PIK3R3: variants seen among roughly 807,000 people sequenced by gnomAD.
PIK3R3 encodes phosphatidylinositol 3-kinase regulatory subunit gamma.
PIK3R3 carries 64 observed loss-of-function variants against 62.9 expected under a neutral mutation model. That is an observed-to-expected ratio of 1.02 (90% CI 0.83 to 1.25). PIK3R3 has a LOEUF of 1.25. PIK3R3 is among the 50% of genes most tolerant of loss of function. The probability of loss-of-function intolerance (pLI) is 0.00; values close to 1 mark genes in which losing one functional copy is unlikely to be tolerated. For missense variants in PIK3R3, 614 were observed against 561.6 expected, an observed-to-expected ratio of 1.09 and a Z score of -0.94; for synonymous variants, 165 against 189.0, an observed-to-expected ratio of 0.87 and a Z score of 1.04.
the PIK3R3 span, chr1:46,138,803 T>C: frequency 1.3e-5 from 2 of 152,232 alleles, no homozygotes; most frequent in Non-Finnish European, 2.9e-5. Flanking sequence ...TGAACATGAT[T>C]GTTTGTGTCC....
At chr1:46,131,683 T>G (rs765702215) in intron 1 of PIK3R3, 164 bp downstream of exon 1, 1 of 537,218 alleles carries the variant, frequency 1.9e-6, no homozygotes, top group Non-Finnish European at 3.5e-6. Context: ...CTGCAAACTT[T>G]AAACGTGTAA....
At position 46,132,178 on chromosome 1, in the gene PIK3R3, T is replaced by A; in HGVS notation, c.-226A>T. The A allele has an allele frequency of 7.6e-7, 1 of 1,312,688 alleles. No individual in the cohort carries two copies. Among genetic ancestry groups the A allele is most frequent in the Non-Finnish European group, 9.7e-7 (1 of 1,026,550 alleles). 81.3% of individuals were successfully genotyped at this position (1,312,688 alleles called of 1,614,324 possible). On this transcript the variant is annotated 5_prime_UTR_variant, in exon 1 of 10. Transcript: ENST00000262741. ...CGAACTTTCAAGCTATGGGCTTTTC[T>A]CCTCAGAGGATTACACAGAGGCTTG...
Position 46,130,232 on chromosome 1 carries a change from A to G in PIK3R3, c.106+1615T>C, listed in dbSNP as rs568281567. ...AATTCTAAGGCAGTTTGAATATATA[A>G]TTCTTATAACAGGAATCTAGAATTA... On this transcript the variant is annotated intron_variant, in intron 1 of 9. Transcript: ENST00000262741. 2.0e-5 allele frequency among the ~76,000 whole-genome samples: 3 copies of G among 152,318 alleles called. No individual in the cohort carries two copies. In the South Asian group the frequency reaches 6.2e-4, roughly 32 times the overall value.
chr1:46,167,780 C>G, the PIK3R3 span, among the ~76,000 whole-genome samples: 1 of 152,344 alleles, frequency 6.6e-6, no homozygotes, highest in Non-Finnish European at 1.5e-5. Flanking sequence ...CTCTGGGCTT[C>G]CACTCACGCT....
At chr1:46,107,244 G>A (rs950025450) in intron 1 of PIK3R3, among the ~76,000 whole-genome samples, 7 of 152,126 alleles carry the variant, frequency 4.6e-5, no homozygotes, top group African/African-American at 1.2e-4. Context: ...CAGCTACTCC[G>A]GAGGCTGAGG....
the PIK3R3 span, among the ~76,000 whole-genome samples, chr1:46,149,791 A>G: frequency 6.6e-5 from 10 of 152,180 alleles, no homozygotes; most frequent in African/African-American, 2.4e-4. Flanking sequence ...TCAGCCTCCC[A>G]AAATGCTGGG....
chr1:46,048,888 G>A (rs1234385960), intron 7 of PIK3R3, among the ~76,000 whole-genome samples: 3 of 152,100 alleles, frequency 2.0e-5, no homozygotes, highest in Non-Finnish European at 4.4e-5. Context: ...GAGTTGATTA[G>A]ATTTTAAAAA....
chr1:46,161,886 A>C, the PIK3R3 span, among the ~76,000 whole-genome samples: 7 of 150,984 alleles, frequency 4.6e-5, no homozygotes, highest in Admixed American at 1.3e-4. Context: ...AGGTCAGGAG[A>C]TCGAGACCAT....
the PIK3R3 span, among the ~76,000 whole-genome samples, chr1:46,170,681 A>T: frequency 1.3e-5 from 2 of 152,166 alleles, no homozygotes; most frequent in Non-Finnish European, 2.9e-5. Flanking sequence ...TCAGCCTCCC[A>T]AAGTGCTGGG....
chr1:46,065,039 C>G (rs1648867549), intron 5 of PIK3R3, among the ~76,000 whole-genome samples: 1 of 152,184 alleles, frequency 6.6e-6, no homozygotes, highest in Admixed American at 6.5e-5. Context: ...GTCGAATCAA[C>G]ATAGACTAAT....
intron 7 of PIK3R3, among the ~76,000 whole-genome samples, chr1:46,052,396 A>G (rs952742877): frequency 6.6e-6 from 1 of 152,176 alleles, no homozygotes; most frequent in Non-Finnish European, 1.5e-5. Flanking sequence ...TCATGAGGAA[A>G]AAGAATTGCA....
rs763981003 is a variant in PIK3R3 at position 46,040,393 on chromosome 1, C to A, written c.*3280G>T. On this transcript the variant is annotated 3_prime_UTR_variant, in exon 10 of 10. Coordinates refer to ENST00000262741, the MANE Select transcript of PIK3R3 (RefSeq NM_003629.4). ...CTTTCTTGTGAGTCAGATATTTTTA[C>A]GTAAACTACACGAATTTTCTTGGAC... The A allele has an allele frequency of 8.7e-6, 2 of 230,772 alleles. No homozygotes were observed. Among genetic ancestry groups the A allele is most frequent in the African/African-American group, 2.2e-5 (1 of 45,164 alleles). 14.3% of individuals were successfully genotyped at this position (230,772 alleles called of 1,614,324 possible).
At chr1:46,064,028 C>T (rs1571390729) in intron 5 of PIK3R3, among the ~76,000 whole-genome samples, 1 of 152,028 alleles carries the variant, frequency 6.6e-6, no homozygotes, top group African/African-American at 2.4e-5. Flanking sequence ...GCCTGACCAA[C>T]ATGGCGAAAT....
the PIK3R3 span, among the ~76,000 whole-genome samples, chr1:46,173,008 G>T: frequency 6.6e-6 from 1 of 151,778 alleles, no homozygotes; most frequent in Admixed American, 6.6e-5. Context: ...AAAAAGAAAA[G>T]AAAAAAGAAA....
intron 1 of PIK3R3, among the ~76,000 whole-genome samples, chr1:46,099,574 T>C (rs975787434): frequency 2.0e-5 from 3 of 152,240 alleles, no homozygotes; most frequent in Admixed American, 6.5e-5. Flanking sequence ...TTTATGTTGA[T>C]ACAAGTAGGT....
intron 1 of PIK3R3, among the ~76,000 whole-genome samples, chr1:46,095,926 C>T (rs1652080585): frequency 6.6e-6 from 1 of 152,180 alleles, no homozygotes; most frequent in Admixed American, 6.5e-5. Context: ...TAAATTTCCT[C>T]CTGATAGCAA....
chr1:46,128,644 G>T (rs1196647648), intron 1 of PIK3R3, among the ~76,000 whole-genome samples: 1 of 152,142 alleles, frequency 6.6e-6, no homozygotes, highest in Non-Finnish European at 1.5e-5. Flanking sequence ...AACATATACT[G>T]ACTAAATTGT....
At chr1:46,137,802 G>A (rs1655983944), upstream of PIK3R3, among the ~76,000 whole-genome samples, 1 of 152,340 alleles carries the variant, frequency 6.6e-6, no homozygotes, top group South Asian at 2.1e-4. Context: ...TTCTTCGAGC[G>A]AATAAGCAAA....
At chr1:46,068,069 A>T (rs1649167491) in intron 3 of PIK3R3, among the ~76,000 whole-genome samples, 1 of 152,196 alleles carries the variant, frequency 6.6e-6, no homozygotes, top group South Asian at 2.1e-4. Context: ...ATAAATGACC[A>T]TTTTATATAA....
Sources: allele counts gnomAD v4.1 joint callset (sites outside exome capture counted in the v4.1 genomes callset), GRCh38; gene constraint gnomAD v4.1.1; transcripts MANE v1.5; gene names NCBI Gene and HGNC (gene_info 2026-07-23, HGNC 2026-07-21).